ZNF600: variants seen among roughly 807,000 people sequenced by gnomAD.
ZNF600 encodes zinc finger protein 600, also known as zinc finger protein KR-ZNF1.
ZNF600 carries 4 observed loss-of-function variants against 7.3 expected under a neutral mutation model. The observed-to-expected ratio is 0.55, with a 90% CI of 0.27 to 1.25. The LOEUF (loss-of-function observed/expected upper bound fraction) is 1.25. ZNF600 is among the 50% of genes most tolerant of loss of function. The pLI is 0.12. For missense variants in ZNF600, 911 were observed against 922.1 expected (o/e 0.99, Z 0.16); for synonymous variants, 290 against 308.9 (o/e 0.94, Z 0.64).
At chr19:52,765,179 A>G in exon 4 of ZNF600, 1 of 462,418 alleles carries the variant, frequency 2.2e-6, no homozygotes, top group Non-Finnish European at 4.4e-6. Flanking sequence ...GGGAACAGTT[A>G]TCTCAAAAAT....
intron 3 of ZNF600, among the ~76,000 whole-genome samples, chr19:52,768,064 A>G (rs991080901): frequency 3.9e-5 from 6 of 152,134 alleles, no homozygotes; most frequent in African/African-American, 1.4e-4. Context: ...AAAGTGTATC[A>G]CAATTTGCAA....
chr19:52,826,809 G>A, the ZNF600 span, among the ~76,000 whole-genome samples: 1 of 152,046 alleles, frequency 6.6e-6, no homozygotes, highest in Non-Finnish European at 1.5e-5. Flanking sequence ...CCAGGAGGTG[G>A]AGGGTGCAGT....
At chr19:52,773,920 G>T (rs2062651056) in intron 3 of ZNF600, among the ~76,000 whole-genome samples, 1 of 151,312 alleles carries the variant, frequency 6.6e-6, no homozygotes, top group Non-Finnish European at 1.5e-5. Flanking sequence ...GTTTCACCAT[G>T]TTGGCCAGGC....
At chr19:52,796,660 G>T in the ZNF600 span, among the ~76,000 whole-genome samples, 6 of 152,256 alleles carry the variant, frequency 3.9e-5, no homozygotes, top group African/African-American at 1.4e-4. Context: ...GGAGACAGGG[G>T]TTTCACCATT....
At chr19:52,821,254 G>A in the ZNF600 span, among the ~76,000 whole-genome samples, 1 of 152,142 alleles carries the variant, frequency 6.6e-6, no homozygotes, top group South Asian at 2.1e-4. Flanking sequence ...GATGAGGCTG[G>A]GAGGCGCACA....
exon 4 of ZNF600, chr19:52,767,050 G>A: frequency 6.2e-7 from 1 of 1,614,058 alleles, no homozygotes; most frequent in Non-Finnish European, 8.5e-7. Context: ...AGTCTACGAT[G>A]GCATGTAAGG....
At chr19:52,784,232 A>G (rs2062746512) in intron 1 of ZNF600, among the ~76,000 whole-genome samples, 1 of 101,160 alleles carries the variant, frequency 9.9e-6, no homozygotes, top group Non-Finnish European at 2.1e-5. Context: ...CTACAAAAAA[A>G]CAAACAAACA....
chr19:52,767,141 A>C (rs781674654), exon 4 of ZNF600: 9 of 1,614,034 alleles, frequency 5.6e-6, no homozygotes, highest in Non-Finnish European at 7.6e-6. Context: ...AATGGCATGT[A>C]AGGTATTGCT....
the ZNF600 span, chr19:52,805,991 A>G: frequency 6.6e-6 from 1 of 152,094 alleles, no homozygotes; most frequent in African/African-American, 2.4e-5. Flanking sequence ...ATAAATACAT[A>G]AAGTAATTAA....
chr19:52,764,378 A>G (rs545835678), downstream of ZNF600: 5 of 152,094 alleles, frequency 3.3e-5, no homozygotes, highest in African/African-American at 9.6e-5. Context: ...CCCCCGGCTA[A>G]CTTTTGTATT....
chr19:52,800,709 C>T, the ZNF600 span: 1 of 1,607,350 alleles, frequency 6.2e-7, no homozygotes, highest in Non-Finnish European at 8.5e-7. Flanking sequence ...AGGTTTCTCT[C>T]CAGTATGAAG....
upstream of ZNF600, among the ~76,000 whole-genome samples, chr19:52,787,527 CTT>C: frequency 1.3e-5 from 2 of 149,572 alleles, no homozygotes; most frequent in Non-Finnish European, 3.0e-5. Context: ...CTGCCTCAGC[CTT>C]TCGAGTAACT....
At chr19:52,764,901 GA>G (rs1291189888) in exon 4 of ZNF600, 2 of 172,326 alleles carry the variant, frequency 1.2e-5, no homozygotes, top group African/African-American at 2.4e-5. Context: ...TAGAAAATAA[GA>G]ATCAAAAAAC....
the ZNF600 span, among the ~76,000 whole-genome samples, chr19:52,802,580 G>A: frequency 6.6e-6 from 1 of 151,868 alleles, no homozygotes; most frequent in Non-Finnish European, 1.5e-5. Flanking sequence ...GGGAGGCTGA[G>A]TCAGGATAAT....
the ZNF600 span, chr19:52,807,868 C>A: frequency 7.4e-7 from 1 of 1,355,308 alleles, no homozygotes; most frequent in Non-Finnish European, 1.0e-6. Flanking sequence ...CAGTGAAAGT[C>A]CAGATGCTAC....
exon 4 of ZNF600, chr19:52,765,431 C>A: frequency 8.5e-7 from 1 of 1,172,062 alleles, no homozygotes. Flanking sequence ...TGTAAGGTTT[C>A]TCTCCAGTAT....
chr19:52,773,134 A>G (rs1363729841), intron 3 of ZNF600, among the ~76,000 whole-genome samples: 2 of 152,212 alleles, frequency 1.3e-5, no homozygotes, highest in Non-Finnish European at 2.9e-5. Context: ...AGGCAAGGCC[A>G]GGAAAGGAAG....
the ZNF600 span, among the ~76,000 whole-genome samples, chr19:52,822,699 G>C: frequency 6.6e-6 from 1 of 152,188 alleles, no homozygotes. Flanking sequence ...TAATGGAGGT[G>C]ACTATCTGTG....
chr19:52,792,885 G>A, the ZNF600 span, among the ~76,000 whole-genome samples: 439 of 151,594 alleles, frequency 2.9e-3, 2 homozygotes, highest in Non-Finnish European at 4.7e-3. Flanking sequence ...GGTGCCCACC[G>A]CCACGCCCAA....
Sources: gnomAD v4.1 joint callset for allele counts (sites outside exome capture counted in the v4.1 genomes callset) on GRCh38, gnomAD v4.1.1 for gene constraint, MANE v1.5 for transcripts, NCBI Gene and HGNC (gene_info 2026-07-23, HGNC 2026-07-21) for gene names.